The following MET variants were observed in gnomAD, a reference collection of about 807,000 sequenced individuals.
The protein encoded by MET is MET proto-oncogene, receptor tyrosine kinase.
Under a neutral mutation model 133.1 loss-of-function variants are expected in MET, and 48 were observed. That is an observed-to-expected ratio of 0.36 (90% confidence interval 0.29 to 0.46). MET has a LOEUF of 0.46. MET is among the 20% of genes least tolerant of loss of function. The pLI, the probability that MET is intolerant of heterozygous loss-of-function variation, is 1.00. For synonymous variants in MET, 628 were observed against 616.5 expected (o/e 1.02, Z -0.28); for missense variants, 1,442 against 1,695.9 (o/e 0.85, Z 2.63).
In MET at chr7:116,771,441, G is replaced by A. The variant is rs2116990742; in HGVS notation, c.2731-57G>A. 1.9e-6 allele frequency: 3 copies of A among 1,606,244 alleles called. No individual in the cohort carries two copies. In the Admixed American group the frequency reaches 5.0e-5, roughly 27 times the overall value. On this transcript the variant is annotated intron_variant, in intron 12 of 20. Transcript: ENST00000397752. Reference sequence around the variant, plus strand: ...TGGGACCCAAAGTGCTACAACCTGTGTAGTACAAATATCTATCATGGCTAA... The same window carrying A: ...TGGGACCCAAAGTGCTACAACCTGTATAGTACAAATATCTATCATGGCTAA...
intron 3 of MET, among the ~76,000 whole-genome samples, chr7:116,736,777 A>T (rs1281956324): frequency 6.6e-6 from 1 of 152,246 alleles, no homozygotes. Flanking sequence ...ACTAAAGATT[A>T]GTTGTTGAAT....
chr7:116,711,132 T>A, intron 2 of MET, among the ~76,000 whole-genome samples: 1 of 152,276 alleles, frequency 6.6e-6, no homozygotes, highest in East Asian at 1.9e-4. Flanking sequence ...TTTCTTGCTA[T>A]TAGCAAAGCT....
At chr7:116,746,404 A>G (rs182427854) in intron 5 of MET, among the ~76,000 whole-genome samples, 2 of 152,364 alleles carry the variant, frequency 1.3e-5, no homozygotes, top group Non-Finnish European at 2.9e-5. Context: ...TAGAAATACC[A>G]TTTGACCCAG....
chr7:116,786,140 C>G (rs1285730150), intron 19 of MET, among the ~76,000 whole-genome samples: 1 of 152,204 alleles, frequency 6.6e-6, no homozygotes, highest in Non-Finnish European at 1.5e-5. Flanking sequence ...TCTTCCTGGC[C>G]TATAGATGGC....
intron 2 of MET, among the ~76,000 whole-genome samples, chr7:116,725,260 A>G (rs1158201382): frequency 6.6e-6 from 1 of 152,146 alleles, no homozygotes; most frequent in African/African-American, 2.4e-5. Context: ...CAGAGGAGCA[A>G]ATGAGATAAT....
At chr7:116,779,364 TC>T (rs1377043772) in intron 17 of MET, among the ~76,000 whole-genome samples, 4 of 152,208 alleles carry the variant, frequency 2.6e-5, no homozygotes, top group African/African-American at 9.7e-5. Context: ...GTCCTTGCCA[TC>T]CACTCTCACA....
rs1282444375 is a variant in MET at position 116,741,013 on chromosome 7, T to C, written c.1689T>C (p.Pro563=). The C allele has an allele frequency of 3.1e-6, 5 of 1,612,796 alleles. No individual in the cohort carries two copies. Among genetic ancestry groups the C allele is most frequent in the African/African-American group, 1.3e-5 (1 of 74,738 alleles). ...CATGGACTCAACAGATCTGTCTGCC[T>C]GCAATCTACAAGGTAGGAATCTCTA... ...SGTWTQQICL[P]AIYKVFPNSA... is the part of the protein sequence containing the mutation. The change falls in exon 5 of 21, where the codon CCT becomes CCC. Residue 563 remains proline (P), a synonymous_variant. Transcript: ENST00000397752.
intron 2 of MET, among the ~76,000 whole-genome samples, chr7:116,707,010 T>G (rs945774532): frequency 2.0e-5 from 3 of 151,984 alleles, no homozygotes; most frequent in Non-Finnish European, 2.9e-5. Flanking sequence ...TTCATTTGCA[T>G]GTGAATTACT....
chr7:116,757,664 G>T lies in MET; in HGVS notation c.1992G>T (p.Pro664=). The T allele has an allele frequency of 6.2e-7, 1 of 1,613,842 alleles. No homozygotes were observed. The highest frequency in any genetic ancestry group is 8.5e-7 in the Non-Finnish European group (1 of 1,179,940). The change falls in exon 8 of 21, where the codon CCG becomes CCT. Residue 664 remains proline, a synonymous_variant. Coordinates refer to ENST00000397752, the MANE Select transcript of MET (RefSeq NM_000245.4). Reference sequence around the variant, plus strand: ...ATCCTGTAATAACAAGTATTTCGCCGAAATACGGTCCTATGGCTGGTGGCA... The same window carrying T: ...ATCCTGTAATAACAAGTATTTCGCCTAAATACGGTCCTATGGCTGGTGGCA... The part of the protein sequence containing the change: ...YVDPVITSIS[P]KYGPMAGGTL...
chr7:116,795,682 C>G lies in MET; in HGVS notation c.3826C>G (p.Leu1276Val), dbSNP rs2117107675. 6.2e-7 allele frequency: 1 copy of G among 1,614,054 alleles called. No homozygotes were observed. The highest frequency in any genetic ancestry group is 1.1e-5 in the South Asian group (1 of 91,082). The change falls in exon 20 of 21, where the codon CTG becomes GTG. Residue 1276 changes from leucine (L) to valine (V), a missense_variant. Physicochemically the swap from Leu to Val is conservative, Grantham distance 32. Transcript: ENST00000397752. ...GTCCTTTGGCGTGCTCCTCTGGGAGCTGATGACAAGAGGAGCCCCACCTTA... is the reference window on the plus strand; with the variant it reads ...GTCCTTTGGCGTGCTCCTCTGGGAGGTGATGACAAGAGGAGCCCCACCTTA... Reference protein sequence around the residue: ...VWSFGVLLWELMTRGAPPYPD... With the variant: ...VWSFGVLLWEVMTRGAPPYPD...
At chr7:116,776,069 G>T (rs1216210728) in intron 15 of MET, among the ~76,000 whole-genome samples, 8 of 147,132 alleles carry the variant, frequency 5.4e-5, no homozygotes, top group African/African-American at 2.0e-4. Context: ...TCTTCTTGTT[G>T]TTTTTTTTTT....
intron 2 of MET, among the ~76,000 whole-genome samples, chr7:116,723,759 GC>G (rs1792604509): frequency 1.3e-5 from 2 of 152,152 alleles, no homozygotes; most frequent in African/African-American, 2.4e-5. Flanking sequence ...GTGTCAGTGT[GC>G]CCCTGCTGGG....
chr7:116,689,052 A>G (rs1360374243), intron 1 of MET, among the ~76,000 whole-genome samples: 1 of 152,214 alleles, frequency 6.6e-6, no homozygotes, highest in Non-Finnish European at 1.5e-5. Flanking sequence ...TAATAAGCTC[A>G]TTTATTATAA....
At chr7:116,794,716 G>A (rs1487236608) in intron 19 of MET, among the ~76,000 whole-genome samples, 1 of 152,130 alleles carries the variant, frequency 6.6e-6, no homozygotes, top group Non-Finnish European at 1.5e-5. Flanking sequence ...TACTCTTAGA[G>A]TGGCCTGGAA....
intron 1 of MET, among the ~76,000 whole-genome samples, chr7:116,694,214 G>A (rs1302587458): frequency 1.3e-5 from 2 of 152,144 alleles, no homozygotes; most frequent in Non-Finnish European, 2.9e-5. Flanking sequence ...TAATGGGGAA[G>A]GGCCTTTATT....
At chr7:116,760,939 C>G (rs1454009222) in intron 10 of MET, among the ~76,000 whole-genome samples, 1 of 152,144 alleles carries the variant, frequency 6.6e-6, no homozygotes, top group African/African-American at 2.4e-5. Flanking sequence ...CTAAGCATAA[C>G]AATGTTTCAT....
chr7:116,748,913 T>C (rs567705129), intron 5 of MET, among the ~76,000 whole-genome samples: 1 of 152,246 alleles, frequency 6.6e-6, no homozygotes, highest in African/African-American at 2.4e-5. Flanking sequence ...AGGAAGAAGT[T>C]GAATCCCTGA....
chr7:116,731,775 A>G lies in MET; in HGVS notation c.1308A>G (p.Glu436=), dbSNP rs201551961. 3.1e-6 allele frequency: 5 copies of G among 1,614,150 alleles called. No individual in the cohort carries two copies. Among genetic ancestry groups the G allele is most frequent in the Non-Finnish European group, 4.2e-6 (5 of 1,179,996 alleles). ...RVDLFMGQFS[E]VLLTSISTFI... Reference sequence around the variant, plus strand: ...ACTTATTCATGGGTCAATTCAGCGAAGTCCTCTTAACATCTATATCCACCT... The same window carrying G: ...ACTTATTCATGGGTCAATTCAGCGAGGTCCTCTTAACATCTATATCCACCT... The change falls in exon 3 of 21, where the codon GAA becomes GAG. Residue 436 remains glutamate, a synonymous_variant. Transcript: ENST00000397752.
chr7:116,762,637 A>G (rs571496258), intron 10 of MET, among the ~76,000 whole-genome samples: 15 of 152,246 alleles, frequency 9.9e-5, no homozygotes, highest in African/African-American at 3.1e-4. Flanking sequence ...TGTGGGCCCT[A>G]CCTTAGTTCC....
Sources: gnomAD v4.1 joint callset for allele counts (sites outside exome capture counted in the v4.1 genomes callset) on GRCh38, gnomAD v4.1.1 for gene constraint, MANE v1.5 for transcripts, NCBI Gene and HGNC (gene_info 2026-07-23, HGNC 2026-07-21) for gene names.